KRAS: variants seen among roughly 807,000 people sequenced by gnomAD.
KRAS encodes the protein GTPase KRas.
Under a neutral mutation model 21.0 loss-of-function variants are expected in KRAS, and 1 was observed. The observed-to-expected ratio is 0.05, with a 90% confidence interval of 0.02 to 0.23. The LOEUF is 0.23. Ranked by LOEUF, KRAS falls within the 10% of genes least tolerant of loss-of-function variation. KRAS has a pLI of 1.00. For missense variants in KRAS, 107 were observed against 221.8 expected (o/e 0.48, Z 3.29); for synonymous variants, 67 against 72.5 (o/e 0.92, Z 0.39).
chr12:25,217,273 CCT>C (rs1335480826), intron 4 of KRAS, among the ~76,000 whole-genome samples: 3 of 152,146 alleles, frequency 2.0e-5, no homozygotes, highest in Admixed American at 6.5e-5. Context: ...GAAAAACACA[CCT>C]CAATTCTTTA....
intron 4 of KRAS, among the ~76,000 whole-genome samples, chr12:25,221,763 G>A (rs1223795963): frequency 2.0e-5 from 3 of 152,010 alleles, no homozygotes; most frequent in East Asian, 3.9e-4. Flanking sequence ...GGGTGTTTAC[G>A]TGTTTTAGGC....
At chr12:25,212,848 A>G (rs1418444695) in intron 4 of KRAS, among the ~76,000 whole-genome samples, 3 of 152,098 alleles carry the variant, frequency 2.0e-5, no homozygotes, top group African/African-American at 7.2e-5. Flanking sequence ...GTGGACTCCT[A>G]AAGTTCTGGC....
intron 2 of KRAS, among the ~76,000 whole-genome samples, chr12:25,240,275 CTAAAT>C (rs556496431): frequency 1.4e-4 from 21 of 152,214 alleles, no homozygotes; most frequent in Non-Finnish European, 2.9e-4. Flanking sequence ...TATAAAGCCT[CTAAAT>C]TAAGTCATAT....
chr12:25,230,878 C>T (rs1035479062), intron 2 of KRAS, among the ~76,000 whole-genome samples: 6 of 152,080 alleles, frequency 3.9e-5, no homozygotes, highest in East Asian at 1.9e-4. Flanking sequence ...TTTGAGCATT[C>T]AGTTGACATT....
At chr12:25,210,780 G>T (rs1951192938) in intron 4 of KRAS, 1 of 152,106 alleles carries the variant, frequency 6.6e-6, no homozygotes, top group South Asian at 2.1e-4. Context: ...ATCTATTTAT[G>T]ATTAAAGCAA....
intron 2 of KRAS, among the ~76,000 whole-genome samples, chr12:25,231,674 G>A (rs890946175): frequency 2.0e-5 from 3 of 152,000 alleles, no homozygotes; most frequent in South Asian, 2.1e-4. Context: ...GACACATTCC[G>A]TTTCAAAGTA....
chr12:25,214,728 A>G (rs1331294713), intron 4 of KRAS, among the ~76,000 whole-genome samples: 1 of 152,170 alleles, frequency 6.6e-6, no homozygotes, highest in Non-Finnish European at 1.5e-5. Context: ...CCGGTTTCAC[A>G]ATGAATGATG....
In KRAS at chr12:25,215,446, T is replaced by G. The variant is rs201170656; in HGVS notation, c.451-5535A>C. On this transcript the variant is annotated intron_variant, in intron 4 of 4. Transcript: ENST00000311936. ...CTGAACTTAAACTTACCAGATTACA[T>G]TATAATGCATTTTTTAATTTTCACA... is the stretch of plus-strand genomic sequence containing the variant. 2.3e-4 allele frequency: 378 copies of G among 1,613,026 alleles called. No homozygotes were observed. The highest frequency in any genetic ancestry group is 3.0e-4 in the Admixed American group (18 of 60,004).
intron 2 of KRAS, among the ~76,000 whole-genome samples, chr12:25,230,259 A>G (rs1325434352): frequency 6.6e-6 from 1 of 152,196 alleles, no homozygotes; most frequent in East Asian, 1.9e-4. Context: ...ATACAAATCT[A>G]CTATGTGTTT....
intron 4 of KRAS, among the ~76,000 whole-genome samples, chr12:25,224,803 G>A (rs968137986): frequency 1.3e-5 from 2 of 152,066 alleles, no homozygotes; most frequent in Non-Finnish European, 2.9e-5. Context: ...GTTTGTGTAA[G>A]TATATTCTAT....
intron 2 of KRAS, among the ~76,000 whole-genome samples, chr12:25,232,093 C>T (rs1003050995): frequency 1.3e-5 from 2 of 151,914 alleles, no homozygotes; most frequent in African/African-American, 4.8e-5. Context: ...GGGAAAAAAA[C>T]GTGTATCACA....
At chr12:25,242,273 A>AT (rs775914209) in intron 2 of KRAS, among the ~76,000 whole-genome samples, 5 of 152,228 alleles carry the variant, frequency 3.3e-5, no homozygotes, top group African/African-American at 4.8e-5. Context: ...TTACTAGCAT[A>AT]TTATATACAG....
intron 4 of KRAS, among the ~76,000 whole-genome samples, chr12:25,223,442 G>A (rs899483761): frequency 3.3e-5 from 5 of 152,092 alleles, no homozygotes; most frequent in Non-Finnish European, 7.4e-5. Flanking sequence ...CCTGGTCTTT[G>A]GAACCTGGAA....
At chr12:25,225,471 G>A in intron 4 of KRAS, 143 bp downstream of exon 4, 1 of 806,664 alleles carries the variant, frequency 1.2e-6, no homozygotes, top group Non-Finnish European at 2.0e-6. Flanking sequence ...AAGAAGCAAT[G>A]CCCTCTCAAG....
At chr12:25,216,044 A>G (rs942359681) in intron 4 of KRAS, among the ~76,000 whole-genome samples, 2 of 152,232 alleles carry the variant, frequency 1.3e-5, no homozygotes, top group Non-Finnish European at 1.5e-5. Flanking sequence ...CAACAAAAAC[A>G]TAAAAGAATC....
chr12:25,248,259 G>C (rs988410579), intron 1 of KRAS, among the ~76,000 whole-genome samples: 2 of 152,096 alleles, frequency 1.3e-5, no homozygotes, highest in Admixed American at 1.3e-4. Context: ...TCAGGAGGTC[G>C]AGACCAGCCT....
chr12:25,217,880 C>CAAG (rs1374711880), intron 4 of KRAS, among the ~76,000 whole-genome samples: 1 of 152,132 alleles, frequency 6.6e-6, no homozygotes, highest in East Asian at 1.9e-4. Context: ...GGCAACAGAG[C>CAAG]AAGACCCTGT....
intron 1 of KRAS, among the ~76,000 whole-genome samples, chr12:25,248,107 C>T (rs556139317): frequency 1.3e-4 from 20 of 152,126 alleles, no homozygotes; most frequent in Non-Finnish European, 2.9e-5. Flanking sequence ...GCGATCCTCC[C>T]GCCTCAGTCT....
Position 25,208,500 on chromosome 12 carries a change from T to A in KRAS, c.*1295A>T, listed in dbSNP as rs941210942. The A allele has an allele frequency of 5.6e-5, 13 of 233,156 alleles. No homozygotes were observed. The highest frequency in any genetic ancestry group is 2.4e-4 in the African/African-American group (11 of 45,312). 14.4% of individuals were successfully genotyped at this position (233,156 alleles called of 1,614,324 possible). On this transcript the variant is annotated 3_prime_UTR_variant, in exon 5 of 5. Transcript: ENST00000311936. ...GAGATTGTAAAACTTTTTCACTTCATTGTTTAAAAAAAAAATTAATGTCTT... is the reference window on the plus strand; with the variant it reads ...GAGATTGTAAAACTTTTTCACTTCAATGTTTAAAAAAAAAATTAATGTCTT...
Sources: gnomAD v4.1 joint callset for allele counts (sites outside exome capture counted in the v4.1 genomes callset) on GRCh38, gnomAD v4.1.1 for gene constraint, MANE v1.5 for transcripts, NCBI Gene and HGNC (gene_info 2026-07-23, HGNC 2026-07-21) for gene names.